SPOCK1: variants seen among roughly 807,000 people sequenced by gnomAD.
SPOCK1 encodes testican-1.
Under a neutral mutation model 55.3 loss-of-function variants are expected in SPOCK1, and 23 were observed. The observed-to-expected ratio is 0.42, with a 90% CI of 0.30 to 0.59. The LOEUF (loss-of-function observed/expected upper bound fraction) is 0.59. SPOCK1 is among the 20% of genes least tolerant of loss of function. The pLI is 0.22. For synonymous variants in SPOCK1, 226 were observed against 221.0 expected (o/e 1.02, Z -0.20); for missense variants, 499 against 552.5 (o/e 0.90, Z 0.97).
At chr5:137,156,469 TAG>T (rs1229816235) in intron 3 of SPOCK1, among the ~76,000 whole-genome samples, 1 of 152,162 alleles carries the variant, frequency 6.6e-6, no homozygotes, top group Admixed American at 6.5e-5. Context: ...AATAGGAGAA[TAG>T]AGTTTACTCT....
At chr5:137,170,115 T>C (rs1754723549) in intron 3 of SPOCK1, among the ~76,000 whole-genome samples, 1 of 152,212 alleles carries the variant, frequency 6.6e-6, no homozygotes, top group African/African-American at 2.4e-5. Flanking sequence ...AATAAAATGA[T>C]GTAGTGTTTG....
At chr5:137,456,060 G>A (rs992790124) in intron 2 of SPOCK1, among the ~76,000 whole-genome samples, 3 of 151,914 alleles carry the variant, frequency 2.0e-5, no homozygotes, top group Non-Finnish European at 4.4e-5. Flanking sequence ...AAAAGGAGGA[G>A]AAGGAAGAAA....
At chr5:137,235,619 T>G (rs961395210) in intron 3 of SPOCK1, among the ~76,000 whole-genome samples, 1 of 152,248 alleles carries the variant, frequency 6.6e-6, no homozygotes, top group African/African-American at 2.4e-5. Context: ...TGTGAGCAGG[T>G]AGATGCACGT....
chr5:136,992,448 T>G, intron 7 of SPOCK1, 36 bp downstream of exon 7: 1 of 1,504,950 alleles, frequency 6.6e-7, no homozygotes, highest in Non-Finnish European at 9.1e-7. Flanking sequence ...CAATGTCTAA[T>G]AAATTGAGGA....
At chr5:137,353,383 T>C (rs1750723716) in intron 2 of SPOCK1, among the ~76,000 whole-genome samples, 1 of 151,968 alleles carries the variant, frequency 6.6e-6, no homozygotes, top group Non-Finnish European at 1.5e-5. Context: ...CCTGATTCAA[T>C]CAATCAATCA....
chr5:137,187,556 T>A (rs1197313148), intron 3 of SPOCK1, among the ~76,000 whole-genome samples: 2 of 152,098 alleles, frequency 1.3e-5, no homozygotes, highest in Non-Finnish European at 2.9e-5. Flanking sequence ...TCAAGCTTAA[T>A]CTCCCTCCCA....
At chr5:137,341,700 C>A (rs1056321668) in intron 2 of SPOCK1, among the ~76,000 whole-genome samples, 4 of 152,128 alleles carry the variant, frequency 2.6e-5, no homozygotes, top group African/African-American at 9.7e-5. Flanking sequence ...CAGATACAGC[C>A]CTGGCCCTCT....
chr5:137,130,968 G>A (rs1042709295), intron 4 of SPOCK1, among the ~76,000 whole-genome samples: 5 of 152,184 alleles, frequency 3.3e-5, no homozygotes, highest in African/African-American at 1.2e-4. Context: ...ACATCAGCTT[G>A]AGAACACTCT....
At chr5:137,008,354 A>G (rs1272943920) in intron 6 of SPOCK1, among the ~76,000 whole-genome samples, 1 of 151,456 alleles carries the variant, frequency 6.6e-6, no homozygotes, top group Non-Finnish European at 1.5e-5. Context: ...CAGAAAAGAT[A>G]CCCAAGTAAC....
chr5:137,160,497 CTA>C (rs200949804), intron 3 of SPOCK1, among the ~76,000 whole-genome samples: 1 of 86,440 alleles, frequency 1.2e-5, no homozygotes, highest in Non-Finnish European at 2.1e-5. Context: ...AACACCTGGG[CTA>C]TATATATATA....
intron 5 of SPOCK1, among the ~76,000 whole-genome samples, chr5:137,105,868 G>C (rs974225105): frequency 6.6e-6 from 1 of 152,184 alleles, no homozygotes; most frequent in African/African-American, 2.4e-5. Flanking sequence ...AGAATGTCAG[G>C]GGGAGGGGAG....
At chr5:137,454,242 CA>C (rs1416504229) in intron 2 of SPOCK1, among the ~76,000 whole-genome samples, 1 of 152,044 alleles carries the variant, frequency 6.6e-6, no homozygotes, top group Non-Finnish European at 1.5e-5. Flanking sequence ...ATGAGCTCAA[CA>C]ACAGACAGAA....
chr5:137,066,323 G>C (rs1752504144), intron 6 of SPOCK1, among the ~76,000 whole-genome samples: 1 of 152,126 alleles, frequency 6.6e-6, no homozygotes, highest in Non-Finnish European at 1.5e-5. Context: ...ATTTTTGGTA[G>C]AGATGGGTTT....
chr5:137,100,794 C>A (rs112426449), intron 5 of SPOCK1, among the ~76,000 whole-genome samples: 1 of 151,954 alleles, frequency 6.6e-6, no homozygotes, highest in Non-Finnish European at 1.5e-5. Flanking sequence ...AAGAAGGACA[C>A]CCTTGTTCAG....
chr5:137,152,834 C>CA (rs1453895129), intron 3 of SPOCK1, among the ~76,000 whole-genome samples: 40 of 152,184 alleles, frequency 2.6e-4, no homozygotes, highest in African/African-American at 9.2e-4. Flanking sequence ...ATCTGAGGTG[C>CA]TTTCATGTCT....
chr5:137,073,609 C>G (rs1752660632), intron 5 of SPOCK1, among the ~76,000 whole-genome samples: 1 of 152,074 alleles, frequency 6.6e-6, no homozygotes, highest in South Asian at 2.1e-4. Flanking sequence ...GTTAAGGCTT[C>G]CAAATAAGTC....
At chr5:137,366,655 CCA>C (rs1161408771) in intron 2 of SPOCK1, among the ~76,000 whole-genome samples, 2 of 152,216 alleles carry the variant, frequency 1.3e-5, no homozygotes, top group Non-Finnish European at 2.9e-5. Flanking sequence ...TTAACACTAA[CCA>C]ACTGCTTGTC....
intron 2 of SPOCK1, among the ~76,000 whole-genome samples, chr5:137,280,794 T>C (rs1481357619): frequency 6.6e-6 from 1 of 152,094 alleles, no homozygotes; most frequent in African/African-American, 2.4e-5. Context: ...AAAAACAATA[T>C]GAAAGAAGAC....
intron 2 of SPOCK1, among the ~76,000 whole-genome samples, chr5:137,425,841 T>TA (rs1561532736): frequency 6.6e-6 from 1 of 152,094 alleles, no homozygotes; most frequent in Non-Finnish European, 1.5e-5. Flanking sequence ...ATTCACAAAA[T>TA]TTATTAAGAT....
Sources: allele counts gnomAD v4.1 joint callset (sites outside exome capture counted in the v4.1 genomes callset), GRCh38; gene constraint gnomAD v4.1.1; transcripts MANE v1.5; gene names NCBI Gene and HGNC (gene_info 2026-07-23, HGNC 2026-07-21).